OTULIN: variants seen among roughly 807,000 people sequenced by gnomAD.
OTULIN encodes the protein OTU deubiquitinase with linear linkage specificity, also known as ubiquitin thioesterase otulin.
A neutral mutation model predicts 39.6 loss-of-function variants in OTULIN; 15 were observed. The observed-to-expected ratio is 0.38, with a 90% CI of 0.25 to 0.58. OTULIN has a LOEUF of 0.58. Among genes scored for constraint, OTULIN ranks in the 20% least tolerant of loss-of-function variants. OTULIN has a pLI of 0.66. For missense variants in OTULIN, 319 were observed against 445.9 expected (o/e 0.72, Z 2.56); for synonymous variants, 156 against 170.3 (o/e 0.92, Z 0.65).
chr5:14,706,569 C>T, the OTULIN span: 10 of 152,246 alleles, frequency 6.6e-5, no homozygotes, highest in East Asian at 1.2e-3. Context: ...ATATTTGTGA[C>T]TTTTCTGAGT....
intron 1 of OTULIN, among the ~76,000 whole-genome samples, chr5:14,666,009 C>T (rs1452788024): frequency 1.3e-5 from 2 of 152,214 alleles, no homozygotes; most frequent in Non-Finnish European, 2.9e-5. Context: ...ATATCAGAGA[C>T]TTAACCTCAG....
Position 14,677,756 on chromosome 5 carries a change from T to C in OTULIN, c.230-925T>C, listed in dbSNP as rs192877181. Among the ~76,000 whole-genome samples, 249 of 152,344 alleles carry C rather than the reference T, an allele frequency of 1.6e-3. 1 individual carries two copies. The highest frequency in any genetic ancestry group is 5.8e-3 in the African/African-American group (242 of 41,574). On this transcript the variant is annotated intron_variant, in intron 2 of 6. Coordinates refer to ENST00000284274, the MANE Select transcript of OTULIN (RefSeq NM_138348.6). Reference sequence around the variant, plus strand: ...TTTCTGGTTTATTATCGACCACTTTTAGGTTTTTGGGATCAGGGTAGGACA... The same window carrying C: ...TTTCTGGTTTATTATCGACCACTTTCAGGTTTTTGGGATCAGGGTAGGACA...
At chr5:14,688,198 C>T (rs183428132) in intron 5 of OTULIN, among the ~76,000 whole-genome samples, 9 of 152,300 alleles carry the variant, frequency 5.9e-5, no homozygotes, top group Admixed American at 5.9e-4. Flanking sequence ...CTTTCTGTGG[C>T]TTTCCACTGT....
the OTULIN span, chr5:14,708,928 T>C: frequency 1.3e-5 from 2 of 152,266 alleles, no homozygotes; most frequent in African/African-American, 4.8e-5. Flanking sequence ...GTTTTGCTCT[T>C]GTCACCCAGG....
intron 6 of OTULIN, among the ~76,000 whole-genome samples, chr5:14,692,107 C>A (rs1388962622): frequency 6.6e-6 from 1 of 152,132 alleles, no homozygotes; most frequent in East Asian, 1.9e-4. Flanking sequence ...CTTGGGTATA[C>A]ACCGAGGAGT....
At chr5:14,700,596 C>T (rs1042319832), downstream of OTULIN, among the ~76,000 whole-genome samples, 1 of 132,534 alleles carries the variant, frequency 7.5e-6, no homozygotes, top group African/African-American at 2.8e-5. Context: ...CCTCTGTGCT[C>T]ACCCTCCGCA....
At chr5:14,716,262 C>G in the OTULIN span, among the ~76,000 whole-genome samples, 1 of 152,040 alleles carries the variant, frequency 6.6e-6, no homozygotes. Flanking sequence ...AGCACTTTGC[C>G]GAGGAGGAGC....
rs79466655 is a variant in OTULIN at position 14,681,150 on chromosome 5, C to T, written c.325-314C>T. Reference sequence around the variant, plus strand: ...CACATACACAAAGCACCCCCGCCCCCCTTTGTGTTTTGGAAACTTGGGGTT... The same window carrying T: ...CACATACACAAAGCACCCCCGCCCCTCTTTGTGTTTTGGAAACTTGGGGTT... On this transcript the variant is annotated intron_variant, in intron 3 of 6. Transcript: ENST00000284274. Among the ~76,000 whole-genome samples, 24 of 152,246 alleles carry T rather than the reference C, an allele frequency of 1.6e-4. No homozygotes were observed. In the South Asian group the frequency reaches 4.8e-3, roughly 30 times the overall value.
At chr5:14,669,971 T>C (rs1230243219) in intron 1 of OTULIN, among the ~76,000 whole-genome samples, 1 of 152,240 alleles carries the variant, frequency 6.6e-6, no homozygotes, top group Non-Finnish European at 1.5e-5. Flanking sequence ...TAGTAGATTA[T>C]TAACTGTAGT....
chr5:14,705,557 G>C, the OTULIN span: 2 of 152,232 alleles, frequency 1.3e-5, no homozygotes, highest in African/African-American at 2.4e-5. Context: ...AATCACGTGT[G>C]TGGCTCTTGT....
intron 1 of OTULIN, among the ~76,000 whole-genome samples, chr5:14,667,000 G>GT (rs1382352273): frequency 3.3e-5 from 5 of 152,148 alleles, no homozygotes; most frequent in Non-Finnish European, 5.9e-5. Context: ...TTTAGTCTGT[G>GT]TTTTTTTGTC....
chr5:14,713,705 C>G, the OTULIN span: 13 of 1,612,164 alleles, frequency 8.1e-6, no homozygotes, highest in Non-Finnish European at 1.1e-5. The surrounding 1 kb of genome is among the most constrained non-coding windows in gnomAD (Gnocchi z 4.4). Flanking sequence ...GCCGTGCCCG[C>G]CATCCACTCC....
At chr5:14,713,955 T>C in the OTULIN span, among the ~76,000 whole-genome samples, 1 of 152,260 alleles carries the variant, frequency 6.6e-6, no homozygotes, top group Non-Finnish European at 1.5e-5. This position sits in a 1 kb window ranked among gnomAD's most constrained non-coding sequence, Gnocchi z 4.4. Flanking sequence ...CTAGCTGCTC[T>C]TGTCCAGTCC....
chr5:14,665,474 A>AT lies in OTULIN; in HGVS notation c.152+498dup, dbSNP rs1735813048. Among the ~76,000 whole-genome samples the AT allele has an allele frequency of 2.6e-5, 4 of 152,288 alleles. No homozygotes were observed. In the South Asian group the frequency reaches 8.3e-4, roughly 32 times the overall value. The stretch of plus-strand genomic sequence containing the variant: ...CTGACCCTTTAACGGCCTGACTAGT[A>AT]TGCCTTCCCGCTTTTCCTTTTGAAA... On this transcript the variant is annotated intron_variant, in intron 1 of 6. Transcript: ENST00000284274.
chr5:14,675,212 C>T (rs147531610), intron 2 of OTULIN, among the ~76,000 whole-genome samples: 303 of 152,236 alleles, frequency 2.0e-3, no homozygotes, highest in African/African-American at 6.9e-3. Flanking sequence ...AATTGAAATC[C>T]GTCCATAGCT....
intron 1 of OTULIN, among the ~76,000 whole-genome samples, chr5:14,666,712 C>T (rs1244903203): frequency 6.6e-6 from 1 of 152,204 alleles, no homozygotes; most frequent in East Asian, 1.9e-4. Context: ...TCTTTCACCT[C>T]TCATAAGATG....
At chr5:14,679,708 A>G (rs1437242641) in intron 3 of OTULIN, among the ~76,000 whole-genome samples, 1 of 152,176 alleles carries the variant, frequency 6.6e-6, no homozygotes, top group Non-Finnish European at 1.5e-5. Flanking sequence ...ATCTTTCAGC[A>G]TGTACCTCAG....
chr5:14,665,451 G>C (rs979371124), intron 1 of OTULIN, among the ~76,000 whole-genome samples: 2 of 152,186 alleles, frequency 1.3e-5, no homozygotes, highest in Non-Finnish European at 2.9e-5. Flanking sequence ...CATTCTCTCT[G>C]ACCCTTTAAC....
chr5:14,679,313 G>A (rs1209239301), intron 3 of OTULIN, among the ~76,000 whole-genome samples: 3 of 152,080 alleles, frequency 2.0e-5, no homozygotes, highest in South Asian at 2.1e-4. Context: ...TGTTTGGTCC[G>A]GTTCATTACT....
Sources: allele counts gnomAD v4.1 joint callset (sites outside exome capture counted in the v4.1 genomes callset), GRCh38; gene constraint gnomAD v4.1.1; non-coding constraint Gnocchi (gnomAD v3.1); transcripts MANE v1.5; gene names NCBI Gene and HGNC (gene_info 2026-07-23, HGNC 2026-07-21).